The following ZFAT variants were observed in gnomAD, a reference collection of about 807,000 sequenced individuals.
ZFAT encodes the protein zinc finger and AT-hook domain containing, also known as zinc finger protein ZFAT.
In ZFAT, 64 loss-of-function variants were observed where a neutral mutation model predicts 117.7. The ratio of observed to expected loss-of-function variants is 0.54; its 90% CI spans 0.44 to 0.67. ZFAT has a LOEUF of 0.67. Among genes scored for constraint, ZFAT ranks in the 30% least tolerant of loss-of-function variants. ZFAT has a pLI of 0.00. For synonymous variants in ZFAT, 679 were observed against 615.0 expected (o/e 1.10, Z -1.54); for missense variants, 1,433 against 1,584.5 (o/e 0.90, Z 1.62).
the ZFAT span, among the ~76,000 whole-genome samples, chr8:134,754,981 G>A: frequency 3.9e-5 from 6 of 152,330 alleles, no homozygotes; most frequent in East Asian, 1.9e-4. Context: ...GGCAAAAATC[G>A]CAGAACCAAG....
the ZFAT span, among the ~76,000 whole-genome samples, chr8:134,724,202 A>G: frequency 6.6e-6 from 1 of 152,200 alleles, no homozygotes; most frequent in African/African-American, 2.4e-5. Context: ...ATTGGTCACC[A>G]TCTTGGAGGG....
At chr8:134,604,444 T>C (rs76435481) in intron 5 of ZFAT, among the ~76,000 whole-genome samples, 3,553 of 152,320 alleles carry the variant, frequency 0.023, 141 homozygotes, top group African/African-American at 0.083. Flanking sequence ...GGCCAAGCCT[T>C]GTTTCTGAAA....
At chr8:134,505,598 C>A (rs920493608) in intron 15 of ZFAT, among the ~76,000 whole-genome samples, 3 of 152,114 alleles carry the variant, frequency 2.0e-5, no homozygotes, top group African/African-American at 7.2e-5. Context: ...GGCTGGCAAT[C>A]GCAATTTGCC....
At chr8:134,827,272 T>G in the ZFAT span, among the ~76,000 whole-genome samples, 1 of 152,254 alleles carries the variant, frequency 6.6e-6, no homozygotes, top group Non-Finnish European at 1.5e-5. Context: ...CTTGAATTCC[T>G]GAGCTCAGGC....
At chr8:134,483,751 C>T (rs1817477271) in intron 15 of ZFAT, among the ~76,000 whole-genome samples, 1 of 152,240 alleles carries the variant, frequency 6.6e-6, no homozygotes, top group Non-Finnish European at 1.5e-5. Flanking sequence ...TGCTGTTCCG[C>T]TGTCTCCAGT....
chr8:134,653,445 T>TTTG (rs1831405982), intron 2 of ZFAT, among the ~76,000 whole-genome samples: 1 of 145,026 alleles, frequency 6.9e-6, no homozygotes, highest in African/African-American at 2.5e-5. Flanking sequence ...TTTTTTTTTT[T>TTTG]TTAGAGACAG....
the ZFAT span, among the ~76,000 whole-genome samples, chr8:134,804,326 G>C: frequency 4.1e-4 from 63 of 152,308 alleles, no homozygotes; most frequent in African/African-American, 1.4e-3. Context: ...TTGACGTCTT[G>C]CAGTTTTTCT....
At chr8:134,806,436 T>C in the ZFAT span, among the ~76,000 whole-genome samples, 1 of 152,226 alleles carries the variant, frequency 6.6e-6, no homozygotes, top group Non-Finnish European at 1.5e-5. Context: ...CCAGTGGCTA[T>C]TTACAACAAC....
At chr8:134,786,411 T>C in the ZFAT span, among the ~76,000 whole-genome samples, 1 of 152,214 alleles carries the variant, frequency 6.6e-6, no homozygotes, top group African/African-American at 2.4e-5. Flanking sequence ...ATCGTACTAA[T>C]ACGTTTATTC....
intron 3 of ZFAT, among the ~76,000 whole-genome samples, chr8:134,616,548 G>A (rs1828748940): frequency 2.6e-5 from 4 of 152,054 alleles, no homozygotes; most frequent in African/African-American, 4.8e-5. Flanking sequence ...CCTTTCAATA[G>A]GTGTTTTTCA....
chr8:134,822,301 T>G, the ZFAT span, among the ~76,000 whole-genome samples: 1 of 152,144 alleles, frequency 6.6e-6, no homozygotes, highest in Non-Finnish European at 1.5e-5. Flanking sequence ...GATCCCTTGC[T>G]AAGTCTTCCT....
At chr8:134,592,605 G>A (rs963267077) in intron 7 of ZFAT, among the ~76,000 whole-genome samples, 20 of 152,204 alleles carry the variant, frequency 1.3e-4, no homozygotes, top group Non-Finnish European at 2.4e-4. Context: ...AAAAGACATA[G>A]AGTGTTTAGA....
At chr8:134,485,452 C>T (rs1817599582) in intron 15 of ZFAT, among the ~76,000 whole-genome samples, 1 of 152,226 alleles carries the variant, frequency 6.6e-6, no homozygotes, top group Non-Finnish European at 1.5e-5. Flanking sequence ...TACCCTCTGC[C>T]TGGGAAACAT....
chr8:134,497,859 C>T (rs1334784492), intron 15 of ZFAT, among the ~76,000 whole-genome samples: 18 of 118,856 alleles, frequency 1.5e-4, no homozygotes, highest in East Asian at 2.9e-4. Context: ...GGGGTGGAGC[C>T]GGGATGCCCC....
intron 3 of ZFAT, among the ~76,000 whole-genome samples, chr8:134,632,375 T>A (rs1401229557): frequency 6.6e-6 from 1 of 152,200 alleles, no homozygotes; most frequent in Non-Finnish European, 1.5e-5. Flanking sequence ...TGGCCAACAG[T>A]AGATTATTAC....
At chr8:134,652,328 T>C (rs1291028268) in intron 2 of ZFAT, among the ~76,000 whole-genome samples, 1 of 152,142 alleles carries the variant, frequency 6.6e-6, no homozygotes, top group Non-Finnish European at 1.5e-5. Context: ...CCAGGAGAGT[T>C]CATGATGAGC....
chr8:134,509,726 C>T lies in ZFAT; in HGVS notation c.3385G>A (p.Val1129Met), dbSNP rs772026910. 18 of 1,609,956 alleles carry T rather than the reference C, an allele frequency of 1.1e-5. No homozygotes were observed. Among genetic ancestry groups the T allele is most frequent in the Admixed American group, 3.4e-5 (2 of 59,142 alleles). ...ESGDRLDPTA[V>M]NILQQIIELG... Reference sequence around the variant, plus strand: ...TCAATGATCTGCTGCAGGATGTTCACGGCCGTGGGGTCCAGTCGGTCGCCT... The same window carrying T: ...TCAATGATCTGCTGCAGGATGTTCATGGCCGTGGGGTCCAGTCGGTCGCCT... Residue 1129 changes from valine to methionine, a missense_variant, in exon 15 of 16, where the codon GTG becomes ATG. By Grantham distance (21) the Val-to-Met change is conservative. This residue lies in a region of ZFAT where 503 missense variants were observed against 543.4 expected (regional missense o/e 0.93). Transcript: ENST00000377838.
intron 10 of ZFAT, among the ~76,000 whole-genome samples, chr8:134,566,959 G>A (rs1363410034): frequency 1.3e-5 from 2 of 152,158 alleles, no homozygotes; most frequent in Non-Finnish European, 2.9e-5. Flanking sequence ...ATTAGGCCCT[G>A]ATGTTCCACA....
chr8:134,806,939 C>T, the ZFAT span, among the ~76,000 whole-genome samples: 1 of 152,084 alleles, frequency 6.6e-6, no homozygotes, highest in Non-Finnish European at 1.5e-5. Flanking sequence ...AAAGGTTTAC[C>T]ATTTTTGGCA....
Sources: allele counts gnomAD v4.1 joint callset (sites outside exome capture counted in the v4.1 genomes callset), GRCh38; gene constraint gnomAD v4.1.1; regional missense constraint gnomAD v4.1.1; transcripts MANE v1.5; gene names NCBI Gene and HGNC (gene_info 2026-07-23, HGNC 2026-07-21).